STK39: variants seen among roughly 807,000 people sequenced by gnomAD.
STK39 encodes STE20/SPS1-related proline-alanine-rich protein kinase.
Under a neutral mutation model 77.8 loss-of-function variants are expected in STK39, and 20 were observed. That is an observed-to-expected ratio of 0.26 (90% CI 0.18 to 0.37). STK39 has a LOEUF of 0.37. STK39 is among the 10% of genes least tolerant of loss of function. The pLI is 1.00. For synonymous variants in STK39, 246 were observed against 234.1 expected (o/e 1.05, Z -0.47); for missense variants, 479 against 656.5 (o/e 0.73, Z 2.95).
exon 1 of STK39, chr2:168,247,586 GGGAGGGAGCAAGGGAGGCCGAGCTGGGC>G (rs1246243297): frequency 1.4e-4 from 64 of 466,622 alleles, no homozygotes; most frequent in Non-Finnish European, 1.8e-4. Flanking sequence ...CAGCTAGGAG[GGGAGGGAGCAAGGGAGGCCGAGCTGGGC>G]GGAGGGAGGA....
At chr2:168,123,742 A>C (rs376355643) in intron 10 of STK39, among the ~76,000 whole-genome samples, 124 of 151,864 alleles carry the variant, frequency 8.2e-4, no homozygotes, top group Non-Finnish European at 1.5e-3. Flanking sequence ...GGTGGCGGGC[A>C]CCTGTAATCC....
At chr2:168,192,990 T>C (rs1442223194) in intron 1 of STK39, among the ~76,000 whole-genome samples, 1 of 152,188 alleles carries the variant, frequency 6.6e-6, no homozygotes, top group East Asian at 1.9e-4. Flanking sequence ...ATGGTAATGA[T>C]TGGGCACAGA....
At chr2:168,076,332 C>T (rs762716451) in intron 10 of STK39, among the ~76,000 whole-genome samples, 62 of 152,222 alleles carry the variant, frequency 4.1e-4, no homozygotes, top group Non-Finnish European at 6.0e-4. Flanking sequence ...GAACGATAAC[C>T]ACCAGCAAGA....
intron 8 of STK39, among the ~76,000 whole-genome samples, chr2:168,132,076 G>A (rs1687711331): frequency 6.6e-6 from 1 of 152,206 alleles, no homozygotes; most frequent in Non-Finnish European, 1.5e-5. Context: ...AAGGGCTCCT[G>A]AGGGAACATG....
At chr2:168,001,544 T>C (rs1196849010) in intron 16 of STK39, among the ~76,000 whole-genome samples, 3 of 152,000 alleles carry the variant, frequency 2.0e-5, no homozygotes, top group Non-Finnish European at 4.4e-5. Flanking sequence ...TAACCTAATA[T>C]AAGATGCAGG....
intron 1 of STK39, among the ~76,000 whole-genome samples, chr2:168,242,546 C>CAA (rs1186813675): frequency 0.014 from 246 of 17,438 alleles, 14 homozygotes; most frequent in Middle Eastern, 0.05. Context: ...AAGACTCTTA[C>CAA]AAAAAAAAAA....
intron 1 of STK39, among the ~76,000 whole-genome samples, chr2:168,185,929 T>C (rs1230641788): frequency 6.6e-6 from 1 of 152,210 alleles, no homozygotes; most frequent in African/African-American, 2.4e-5. Context: ...TAAATCCTTC[T>C]ATAGGATCAC....
At chr2:168,167,774 G>A (rs1305765043) in intron 2 of STK39, among the ~76,000 whole-genome samples, 1 of 152,116 alleles carries the variant, frequency 6.6e-6, no homozygotes, top group Non-Finnish European at 1.5e-5. Flanking sequence ...GACTGGGTGA[G>A]TTACTAGGAC....
chr2:167,983,474 AT>A lies in STK39; in HGVS notation c.1499-18749del, dbSNP rs1683480651. ...CATCCAAAAAAAAAAAAAAAAAGAA[AT>A]GAAAGGAAGGAAGGAAGGAAGGAAG... On this transcript the variant is annotated intron_variant, in intron 16 of 17. Transcript: ENST00000355999. 1.7e-3 allele frequency among the ~76,000 whole-genome samples: 139 copies of A among 83,170 alleles called. 1 individual carries two copies. The East Asian group carries it at 0.018, about 11-fold the overall frequency. The allele number at this position is 83,170 out of a possible 152,430, so 54.6% of individuals were successfully genotyped here. A position where few individuals can be genotyped will look rare whatever the true frequency, so the allele number is the denominator to read the frequency against.
At chr2:168,065,274 T>G (rs755373778) in intron 13 of STK39, 45 bp downstream of exon 13, 5 of 1,600,692 alleles carry the variant, frequency 3.1e-6, no homozygotes, top group South Asian at 2.2e-5. Flanking sequence ...TTAAAGGATC[T>G]GTCTACAAAG....
At chr2:168,147,601 C>T (rs1688173766) in intron 5 of STK39, among the ~76,000 whole-genome samples, 1 of 151,946 alleles carries the variant, frequency 6.6e-6, no homozygotes, top group Admixed American at 6.6e-5. Context: ...TGGGTGTGCA[C>T]AATTGTGTAC....
intron 16 of STK39, among the ~76,000 whole-genome samples, chr2:167,992,593 C>T (rs1330430512): frequency 6.6e-6 from 1 of 152,178 alleles, no homozygotes; most frequent in Non-Finnish European, 1.5e-5. Context: ...TGCCTACGTT[C>T]ATTCCTTAAG....
intron 5 of STK39, among the ~76,000 whole-genome samples, chr2:168,151,595 G>T (rs1688286184): frequency 6.6e-6 from 1 of 151,964 alleles, no homozygotes; most frequent in Non-Finnish European, 1.5e-5. Flanking sequence ...AATTAGCCAG[G>T]TGTGGTGGTG....
At chr2:168,164,019 AATTGAATGGGGGCCCC>A in intron 3 of STK39, 139 bp from the exon 4 acceptor site, 1 of 1,291,810 alleles carries the variant, frequency 7.7e-7, no homozygotes, top group South Asian at 1.6e-5. Context: ...GCAAACAAAC[AATTGAATGGGGGCCCC>A]ATGACCAAAA....
intron 2 of STK39, among the ~76,000 whole-genome samples, chr2:168,174,411 G>T (rs759784392): frequency 6.6e-6 from 1 of 152,090 alleles, no homozygotes; most frequent in Non-Finnish European, 1.5e-5. Flanking sequence ...ATTAAAATTC[G>T]CTTGGAAGTG....
At chr2:168,159,501 G>C (rs1020351464) in intron 5 of STK39, among the ~76,000 whole-genome samples, 1 of 152,184 alleles carries the variant, frequency 6.6e-6, no homozygotes, top group African/African-American at 2.4e-5. Flanking sequence ...GAGGACAGCA[G>C]TAACATCTAC....
chr2:167,961,203 C>A (rs985117552), intron 17 of STK39, among the ~76,000 whole-genome samples: 12 of 152,176 alleles, frequency 7.9e-5, no homozygotes, highest in Admixed American at 1.3e-4. Flanking sequence ...CTGCACTTGG[C>A]AAAATGTTGC....
intron 16 of STK39, among the ~76,000 whole-genome samples, chr2:167,988,863 C>T (rs78699002): frequency 0.05 from 7,668 of 152,146 alleles, 699 homozygotes; most frequent in African/African-American, 0.17. Context: ...TGGCAGCTTA[C>T]CTGCCTGCTC....
intron 1 of STK39, among the ~76,000 whole-genome samples, chr2:168,214,519 G>A (rs898190391): frequency 6.6e-6 from 1 of 152,118 alleles, no homozygotes; most frequent in African/African-American, 2.4e-5. Context: ...TCATGGTATG[G>A]GGAATGGTGG....
Sources: allele counts gnomAD v4.1 joint callset (sites outside exome capture counted in the v4.1 genomes callset), GRCh38; gene constraint gnomAD v4.1.1; transcripts MANE v1.5; gene names NCBI Gene and HGNC (gene_info 2026-07-23, HGNC 2026-07-21).